Variants in COX10 observed in about 807,000 individuals in gnomAD.
COX10 encodes the protein protoheme IX farnesyltransferase, mitochondrial.
A neutral mutation model predicts 37.3 loss-of-function variants in COX10; 27 were observed. That is an observed-to-expected ratio of 0.72 (90% CI 0.53 to 1.00). COX10 has a LOEUF of 1.00. COX10 is among the 50% of genes least tolerant of loss of function. COX10 has a pLI of 0.00. For missense variants in COX10, 475 were observed against 563.2 expected (o/e 0.84, Z 1.59); for synonymous variants, 222 against 229.1 (o/e 0.97, Z 0.28).
chr17:14,112,372 A>T (rs1916022022), intron 4 of COX10, among the ~76,000 whole-genome samples: 2 of 152,158 alleles, frequency 1.3e-5, no homozygotes, highest in South Asian at 4.1e-4. Context: ...AGTAATTCTG[A>T]TTTGGCTGGA....
chr17:14,076,954 G>A lies in COX10; in HGVS notation c.397G>A (p.Val133Ile). The A allele has an allele frequency of 1.9e-6, 3 of 1,614,204 alleles. No homozygotes were observed. The highest frequency in any genetic ancestry group is 1.7e-6 in the Non-Finnish European group (2 of 1,180,036). ...PDSVIEDSID[V>I]GKETKEEKRW... ...CTCAGTAATTGAAGACTCAATAGAT[G>A]TAGGGAAAGAGACAAAAGAGGAAAA... Residue 133 changes from valine (V) to isoleucine (I), a missense_variant, in exon 3 of 7, where the codon GTA becomes ATA. Coordinates refer to ENST00000261643, the MANE Select transcript of COX10 (RefSeq NM_001303.4).
intron 1 of COX10, among the ~76,000 whole-genome samples, chr17:14,072,159 T>C (rs1272655430): frequency 6.6e-6 from 1 of 152,198 alleles, no homozygotes; most frequent in African/African-American, 2.4e-5. Context: ...GAAATGTCAG[T>C]TTCATAGCTG....
chr17:14,174,601 A>G (rs1195803843), intron 5 of COX10, among the ~76,000 whole-genome samples: 1 of 152,234 alleles, frequency 6.6e-6, no homozygotes, highest in Non-Finnish European at 1.5e-5. Context: ...ATACCACTAC[A>G]CACCTATTAG....
chr17:14,130,197 C>T (rs545360217), intron 4 of COX10, among the ~76,000 whole-genome samples: 61 of 152,066 alleles, frequency 4.0e-4, no homozygotes, highest in Non-Finnish European at 5.9e-4. Flanking sequence ...CAGAATAATT[C>T]CTCCCTTTCT....
At chr17:14,085,479 TCTTA>T (rs973808665) in intron 3 of COX10, among the ~76,000 whole-genome samples, 6 of 152,182 alleles carry the variant, frequency 3.9e-5, no homozygotes, top group African/African-American at 1.4e-4. Context: ...TTAAGTAGTC[TCTTA>T]CTTCTTGCTA....
intron 3 of COX10, among the ~76,000 whole-genome samples, chr17:14,100,438 C>T (rs143604533): frequency 1.3e-5 from 2 of 152,158 alleles, no homozygotes; most frequent in Admixed American, 6.5e-5. Flanking sequence ...AGGATGTGAG[C>T]GAGGGAGTAA....
intron 4 of COX10, among the ~76,000 whole-genome samples, chr17:14,153,913 G>A (rs536999031): frequency 1.3e-4 from 20 of 152,260 alleles, no homozygotes; most frequent in Non-Finnish European, 2.4e-4. Context: ...CACAAACTGC[G>A]ATACTACCAT....
chr17:14,191,284 A>G (rs1227036231), intron 5 of COX10, among the ~76,000 whole-genome samples: 3 of 150,206 alleles, frequency 2.0e-5, no homozygotes, highest in African/African-American at 7.4e-5. Flanking sequence ...ATTTGCATAA[A>G]TAACACTGTG....
intron 3 of COX10, among the ~76,000 whole-genome samples, chr17:14,090,250 G>A (rs947684452): frequency 3.3e-5 from 5 of 151,712 alleles, no homozygotes; most frequent in Non-Finnish European, 5.9e-5. Flanking sequence ...TTTTATGAAG[G>A]GCTTGGTTTT....
chr17:14,077,056 G>C lies in COX10; in HGVS notation c.499G>C (p.Ala167Pro). 1.2e-6 allele frequency: 2 copies of C among 1,613,782 alleles called. No individual in the cohort carries two copies. Among genetic ancestry groups the C allele is most frequent in the Non-Finnish European group, 1.7e-6 (2 of 1,179,872 alleles). ...LARLSKIKLT[A>P]LVVSTTAAGF... ...TCGACTATCCAAAATCAAACTCACA[G>C]GTACTTTGTTTTTCTGATATACTTA... is the stretch of plus-strand genomic sequence containing the variant. Residue 167 changes from alanine to proline, a missense_variant and splice_region_variant, in exon 3 of 7, where the codon GCT (alanine) becomes CCT (proline). By Grantham distance (27) the Ala-to-Pro change is conservative (BLOSUM62 -1). Transcript: ENST00000261643.
At chr17:14,137,950 GTT>G (rs55924353) in intron 4 of COX10, among the ~76,000 whole-genome samples, 20,623 of 134,272 alleles carry the variant, frequency 0.15, 1,617 homozygotes, top group East Asian at 0.22. Context: ...ACACAATTCA[GTT>G]TTTTTTTTTT....
At chr17:14,179,170 T>C (rs865879080) in intron 5 of COX10, 24 of 773,708 alleles carry the variant, frequency 3.1e-5, no homozygotes, top group Admixed American at 1.2e-4. Flanking sequence ...TCAGTTAAAA[T>C]TGGAGTTTCT....
At chr17:14,188,245 A>G (rs1906098786) in intron 5 of COX10, among the ~76,000 whole-genome samples, 2 of 149,670 alleles carry the variant, frequency 1.3e-5, no homozygotes, top group East Asian at 2.0e-4. Context: ...TAAGCTATAA[A>G]TTACCTTATT....
At chr17:14,131,458 T>G (rs116955923) in intron 4 of COX10, among the ~76,000 whole-genome samples, 3 of 152,190 alleles carry the variant, frequency 2.0e-5, no homozygotes, top group Non-Finnish European at 4.4e-5. Flanking sequence ...AGCTTATTTT[T>G]TTATTTTTTA....
At chr17:14,104,173 A>G (rs1048265555) in intron 4 of COX10, among the ~76,000 whole-genome samples, 1 of 151,864 alleles carries the variant, frequency 6.6e-6, no homozygotes, top group South Asian at 2.1e-4. Flanking sequence ...GCTTCCTTCC[A>G]CTTGTCTCAG....
At chr17:14,083,379 T>C (rs1005756522) in intron 3 of COX10, among the ~76,000 whole-genome samples, 4 of 152,246 alleles carry the variant, frequency 2.6e-5, no homozygotes, top group African/African-American at 9.6e-5. Context: ...ATACCTGATA[T>C]CTGTCCATTG....
At chr17:14,075,196 A>T (rs1426674845) in intron 2 of COX10, among the ~76,000 whole-genome samples, 1 of 152,230 alleles carries the variant, frequency 6.6e-6, no homozygotes, top group Non-Finnish European at 1.5e-5. Flanking sequence ...ATATGTTGAT[A>T]AGAGATTTAA....
intron 3 of COX10, among the ~76,000 whole-genome samples, chr17:14,090,887 T>C (rs896556841): frequency 1.3e-5 from 2 of 152,198 alleles, no homozygotes; most frequent in Non-Finnish European, 2.9e-5. Context: ...TCTGTCTTGT[T>C]GACTATTACA....
intron 6 of COX10, among the ~76,000 whole-genome samples, chr17:14,196,842 G>C (rs1415083126): frequency 6.6e-6 from 1 of 152,114 alleles, no homozygotes; most frequent in African/African-American, 2.4e-5. Flanking sequence ...CTTTTAAGTA[G>C]TGAAGCATCA....
Sources: gnomAD v4.1 joint callset for allele counts (sites outside exome capture counted in the v4.1 genomes callset) on GRCh38, gnomAD v4.1.1 for gene constraint, MANE v1.5 for transcripts, NCBI Gene and HGNC (gene_info 2026-07-23, HGNC 2026-07-21) for gene names.